Variants in CADM1 observed in about 807,000 individuals in gnomAD.
CADM1 encodes TSLC-1.
CADM1 carries 15 observed loss-of-function variants against 53.1 expected under a neutral mutation model. That is an observed-to-expected ratio of 0.28 (90% CI 0.19 to 0.44). The LOEUF (loss-of-function observed/expected upper bound fraction) is 0.44, where lower values mean the gene tolerates loss of function less well. Ranked by LOEUF, CADM1 falls within the 20% of genes least tolerant of loss-of-function variation. The pLI is 1.00. For synonymous variants in CADM1, 281 were observed against 243.0 expected, an observed-to-expected ratio of 1.16 and a Z score of -1.45; for missense variants, 434 against 611.3, an observed-to-expected ratio of 0.71 and a Z score of 3.06.
At chr11:115,503,032 C>T (rs1949764468) in intron 1 of CADM1, among the ~76,000 whole-genome samples, 1 of 152,172 alleles carries the variant, frequency 6.6e-6, no homozygotes. Context: ...TGCATCCCCT[C>T]CTGCATCGCC....
intron 1 of CADM1, among the ~76,000 whole-genome samples, chr11:115,373,412 C>T (rs551239019): frequency 6.6e-6 from 1 of 151,716 alleles, no homozygotes; most frequent in Admixed American, 6.5e-5. Context: ...TGGCAAAACA[C>T]CATCTCTTCC....
intron 1 of CADM1, among the ~76,000 whole-genome samples, chr11:115,346,260 C>T (rs1372949124): frequency 6.6e-6 from 1 of 152,136 alleles, no homozygotes; most frequent in African/African-American, 2.4e-5. Context: ...TCAAAAGATA[C>T]GTGCTTAAGG....
chr11:115,450,467 T>A (rs946842788), intron 1 of CADM1, among the ~76,000 whole-genome samples: 1 of 152,238 alleles, frequency 6.6e-6, no homozygotes, highest in Non-Finnish European at 1.5e-5. Flanking sequence ...GCTGATGTGA[T>A]CTTTCCAGTT....
chr11:115,215,389 C>T (rs917424545), intron 6 of CADM1, among the ~76,000 whole-genome samples: 4 of 152,148 alleles, frequency 2.6e-5, no homozygotes, highest in Admixed American at 1.3e-4. Flanking sequence ...AGAATGCCAC[C>T]CCTGTCTCTG....
At chr11:115,434,217 G>C (rs1381464420) in intron 1 of CADM1, among the ~76,000 whole-genome samples, 2 of 151,886 alleles carry the variant, frequency 1.3e-5, no homozygotes, top group Non-Finnish European at 2.9e-5. Context: ...ACTCCTCTTT[G>C]GTTCCCAAAA....
intron 1 of CADM1, among the ~76,000 whole-genome samples, chr11:115,414,575 GTGA>G (rs561558303): frequency 3.3e-5 from 5 of 152,286 alleles, no homozygotes; most frequent in Non-Finnish European, 5.9e-5. Context: ...ATCAATGAAA[GTGA>G]TGATAAGACA....
At chr11:115,236,614 C>T (rs964805378) in intron 3 of CADM1, among the ~76,000 whole-genome samples, 1 of 152,086 alleles carries the variant, frequency 6.6e-6, no homozygotes, top group Non-Finnish European at 1.5e-5. Flanking sequence ...ATGGTGTATT[C>T]GGAGCCAAAC....
chr11:115,174,747 TTATA>T lies in CADM1; in HGVS notation c.*1723_*1726del. 3.5e-6 allele frequency: 3 copies of T among 846,348 alleles called. No homozygotes were observed. The highest frequency in any genetic ancestry group is 4.3e-6 in the Non-Finnish European group (3 of 703,920). The allele number at this position is 846,348 out of a possible 1,614,324, so 52.4% of individuals were successfully genotyped here. A position where few individuals can be genotyped will look rare whatever the true frequency, so the allele number is the denominator to read the frequency against. On this transcript the variant is annotated 3_prime_UTR_variant, in exon 12 of 12. Coordinates refer to ENST00000331581, the MANE Select transcript of CADM1 (RefSeq NM_001301043.2). ...ACTGAAAATGTAATAGAATATATATTTATATATATATATAGATCTATCTTTTTTG... is the reference window on the plus strand; with the variant it reads ...ACTGAAAATGTAATAGAATATATATTTATATATATAGATCTATCTTTTTTG...
intron 7 of CADM1, among the ~76,000 whole-genome samples, chr11:115,211,771 G>A (rs1033397060): frequency 1.3e-5 from 2 of 151,844 alleles, no homozygotes; most frequent in African/African-American, 2.4e-5. Context: ...TTACAGGCGT[G>A]AGCCACCACG....
chr11:115,486,664 G>A (rs956358155), intron 1 of CADM1, among the ~76,000 whole-genome samples: 2 of 152,110 alleles, frequency 1.3e-5, no homozygotes, highest in Admixed American at 6.5e-5. Flanking sequence ...ATTTAAACCT[G>A]ACATTCAAAG....
intron 8 of CADM1, among the ~76,000 whole-genome samples, chr11:115,208,367 C>A (rs992833053): frequency 5.3e-5 from 8 of 152,148 alleles, no homozygotes; most frequent in South Asian, 2.1e-4. Context: ...ACTGATGAGG[C>A]CTCCTCTTTC....
At chr11:115,412,447 T>C (rs1015613165) in intron 1 of CADM1, among the ~76,000 whole-genome samples, 1 of 152,180 alleles carries the variant, frequency 6.6e-6, no homozygotes, top group Non-Finnish European at 1.5e-5. Context: ...CAAGTGAAAC[T>C]CTCAGCCTCC....
chr11:115,409,014 G>A (rs574327330), intron 1 of CADM1, among the ~76,000 whole-genome samples: 19 of 129,556 alleles, frequency 1.5e-4, no homozygotes, highest in African/African-American at 5.8e-4. Context: ...CACATCATCA[G>A]CCCAAGGAGG....
intron 1 of CADM1, among the ~76,000 whole-genome samples, chr11:115,362,930 T>C (rs1371838022): frequency 6.6e-6 from 1 of 152,166 alleles, no homozygotes; most frequent in Non-Finnish European, 1.5e-5. Flanking sequence ...CTTCATTCAA[T>C]AGTCAAGCTC....
chr11:115,411,394 TGTTCCTGA>T (rs1175407747), intron 1 of CADM1, among the ~76,000 whole-genome samples: 1 of 152,236 alleles, frequency 6.6e-6, no homozygotes, highest in Non-Finnish European at 1.5e-5. Flanking sequence ...ATTTGGATAA[TGTTCCTGA>T]CTTCAGATAA....
intron 1 of CADM1, among the ~76,000 whole-genome samples, chr11:115,488,035 G>GAAAA (rs1949415062): frequency 1.3e-4 from 1 of 7,708 alleles, no homozygotes. Context: ...GGCAATCCCT[G>GAAAA]GAAAAAAAAA....
At chr11:115,411,446 G>A (rs1227717898) in intron 1 of CADM1, among the ~76,000 whole-genome samples, 3 of 152,070 alleles carry the variant, frequency 2.0e-5, no homozygotes, top group Non-Finnish European at 4.4e-5. Context: ...TGGAATGATA[G>A]GAAAGGCATA....
intron 1 of CADM1, among the ~76,000 whole-genome samples, chr11:115,395,553 G>C (rs1946973966): frequency 1.3e-5 from 2 of 152,198 alleles, no homozygotes; most frequent in Admixed American, 6.5e-5. Context: ...TTGGGTGAGA[G>C]AGCAGAAGAC....
chr11:115,375,498 C>T (rs977946064), intron 1 of CADM1, among the ~76,000 whole-genome samples: 14 of 152,072 alleles, frequency 9.2e-5, no homozygotes, highest in Non-Finnish European at 1.5e-5. Context: ...TGGTGTTATA[C>T]TTCAACTAAA....
Sources: gnomAD v4.1 joint callset for allele counts (sites outside exome capture counted in the v4.1 genomes callset) on GRCh38, gnomAD v4.1.1 for gene constraint, MANE v1.5 for transcripts, NCBI Gene and HGNC (gene_info 2026-07-23, HGNC 2026-07-21) for gene names.